Variants in ADAMTS3 observed in about 807,000 individuals in gnomAD.
ADAMTS3 encodes the protein A disintegrin and metalloproteinase with thrombospondin motifs 3.
Under a neutral mutation model 129.0 loss-of-function variants are expected in ADAMTS3, and 73 were observed. The ratio of observed to expected loss-of-function variants is 0.57; its 90% CI spans 0.47 to 0.69. ADAMTS3 has a LOEUF of 0.69. Among genes scored for constraint, ADAMTS3 ranks in the 30% least tolerant of loss-of-function variants. ADAMTS3 has a pLI of 0.00. For synonymous variants in ADAMTS3, 477 were observed against 510.8 expected (o/e 0.93, Z 0.89); for missense variants, 1,457 against 1,514.5 (o/e 0.96, Z 0.63).
intron 5 of ADAMTS3, among the ~76,000 whole-genome samples, chr4:72,327,999 T>C (rs1338587965): frequency 6.6e-6 from 1 of 152,172 alleles, no homozygotes; most frequent in Non-Finnish European, 1.5e-5. Flanking sequence ...GTGAAATGTA[T>C]AACCAGTGTT....
At chr4:72,316,016 T>C (rs745666412) in intron 10 of ADAMTS3, 45 bp from the exon 11 acceptor site, 4 of 1,206,684 alleles carry the variant, frequency 3.3e-6, no homozygotes, top group Non-Finnish European at 4.8e-6. Flanking sequence ...TCAGCTAGCA[T>C]GACATGCACC....
chr4:72,305,846 G>A (rs552080608), intron 16 of ADAMTS3, 141 bp downstream of exon 16: 26 of 718,856 alleles, frequency 3.6e-5, no homozygotes, highest in South Asian at 1.0e-4. Context: ...GCACATGTAC[G>A]TACATATACG....
At chr4:72,437,574 G>A (rs897494568) in intron 3 of ADAMTS3, among the ~76,000 whole-genome samples, 1 of 151,702 alleles carries the variant, frequency 6.6e-6, no homozygotes, top group African/African-American at 2.4e-5. Flanking sequence ...CTGAAAAACC[G>A]ATGCAGAAGA....
intron 2 of ADAMTS3, among the ~76,000 whole-genome samples, chr4:72,564,350 C>T (rs2109809228): frequency 6.6e-6 from 1 of 152,278 alleles, no homozygotes; most frequent in Middle Eastern, 3.4e-3. Flanking sequence ...AGCCTCCTTA[C>T]CCAATTGGAC....
intron 3 of ADAMTS3, among the ~76,000 whole-genome samples, chr4:72,449,620 C>A (rs1718341832): frequency 6.6e-6 from 1 of 151,804 alleles, no homozygotes; most frequent in African/African-American, 2.4e-5. Context: ...ATTCTTTACA[C>A]AGCAAGATGA....
intron 3 of ADAMTS3, among the ~76,000 whole-genome samples, chr4:72,504,173 CT>C (rs1329226763): frequency 6.6e-6 from 1 of 152,060 alleles, no homozygotes; most frequent in African/African-American, 2.4e-5. Flanking sequence ...TGTTTGGTTG[CT>C]TTATTGGGTC....
intron 4 of ADAMTS3, among the ~76,000 whole-genome samples, chr4:72,341,928 A>G (rs1448873465): frequency 6.6e-6 from 1 of 152,210 alleles, no homozygotes; most frequent in Non-Finnish European, 1.5e-5. Context: ...CAAATATTTC[A>G]AAGAAAGACA....
At chr4:72,532,553 G>A (rs755218418) in intron 3 of ADAMTS3, among the ~76,000 whole-genome samples, 2 of 151,532 alleles carry the variant, frequency 1.3e-5, no homozygotes, top group African/African-American at 2.4e-5. Flanking sequence ...CTTTACACTA[G>A]TTAATTATAA....
intron 20 of ADAMTS3, 49 bp downstream of exon 20, chr4:72,290,806 T>C: frequency 1.9e-6 from 3 of 1,570,742 alleles, no homozygotes; most frequent in Non-Finnish European, 2.6e-6. Context: ...TATCTACACA[T>C]GCTTACACAC....
chr4:72,514,990 C>A (rs1016876079), intron 3 of ADAMTS3, among the ~76,000 whole-genome samples: 1 of 152,052 alleles, frequency 6.6e-6, no homozygotes, highest in Non-Finnish European at 1.5e-5. Flanking sequence ...CCCCGCTACC[C>A]CCACCCCACA....
At chr4:72,375,438 A>C (rs1300642347) in intron 4 of ADAMTS3, among the ~76,000 whole-genome samples, 1 of 152,184 alleles carries the variant, frequency 6.6e-6, no homozygotes, top group African/African-American at 2.4e-5. Context: ...TTACAATTTA[A>C]TGGAAAAGAC....
At chr4:72,523,874 T>A (rs959335878) in intron 3 of ADAMTS3, among the ~76,000 whole-genome samples, 25 of 152,190 alleles carry the variant, frequency 1.6e-4, no homozygotes, top group Admixed American at 9.2e-4. Flanking sequence ...GTTCAATGTA[T>A]GTAAATTGAT....
chr4:72,396,392 C>A (rs562094896), intron 4 of ADAMTS3, among the ~76,000 whole-genome samples: 1 of 151,630 alleles, frequency 6.6e-6, no homozygotes, highest in East Asian at 1.9e-4. Flanking sequence ...TGGTATATGA[C>A]AAAGTATGAA....
intron 3 of ADAMTS3, among the ~76,000 whole-genome samples, chr4:72,531,370 C>A (rs375180609): frequency 1.3e-5 from 2 of 152,154 alleles, no homozygotes; most frequent in South Asian, 4.2e-4. Context: ...TTTAGACAGC[C>A]AAGTGGAGAT....
intron 4 of ADAMTS3, among the ~76,000 whole-genome samples, chr4:72,386,715 C>G (rs1357985746): frequency 2.0e-5 from 3 of 152,120 alleles, no homozygotes; most frequent in South Asian, 2.1e-4. Context: ...TTTTCCAACA[C>G]TCTACATCTA....
rs1379426139 is a variant in ADAMTS3 at position 72,282,214 on chromosome 4, A to AACAC, written c.*918_*921dup. 1.3e-5 allele frequency: 2 copies of AACAC among 152,226 alleles called. No homozygotes were observed. Among genetic ancestry groups the AACAC allele is most frequent in the Admixed American group, 6.5e-5 (1 of 15,288 alleles). 9.4% of individuals were successfully genotyped at this position (152,226 alleles called of 1,614,324 possible). A position where few individuals can be genotyped will look rare whatever the true frequency, so the allele number is the denominator to read the frequency against. ...GTCAACAATGCGAAAATTAAAAAAGAACACACACACACAAAAACAAAGGAC... is the reference window on the plus strand; with the variant it reads ...GTCAACAATGCGAAAATTAAAAAAGAACACACACACACACACAAAAACAAAGGAC... On this transcript the variant is annotated 3_prime_UTR_variant, in exon 22 of 22. Coordinates refer to ENST00000286657, the MANE Select transcript of ADAMTS3 (RefSeq NM_014243.3).
intron 21 of ADAMTS3, 141 bp from the exon 22 acceptor site, chr4:72,283,845 C>T (rs899241689): frequency 7.5e-5 from 47 of 630,094 alleles, no homozygotes; most frequent in Non-Finnish European, 1.0e-4. Flanking sequence ...CGAGCTTTTG[C>T]ATTAAAAATA....
At chr4:72,542,548 A>G (rs1198670613) in intron 3 of ADAMTS3, among the ~76,000 whole-genome samples, 1 of 152,176 alleles carries the variant, frequency 6.6e-6, no homozygotes, top group Non-Finnish European at 1.5e-5. Flanking sequence ...GTTCTGTTCT[A>G]CCTGTATACC....
At chr4:72,522,357 C>G (rs1470782867) in intron 3 of ADAMTS3, among the ~76,000 whole-genome samples, 1 of 152,156 alleles carries the variant, frequency 6.6e-6, no homozygotes, top group East Asian at 1.9e-4. Flanking sequence ...TCTCCCCAGT[C>G]AACTTACTTT....
Sources: gnomAD v4.1 joint callset for allele counts (sites outside exome capture counted in the v4.1 genomes callset) on GRCh38, gnomAD v4.1.1 for gene constraint, MANE v1.5 for transcripts, NCBI Gene and HGNC (gene_info 2026-07-23, HGNC 2026-07-21) for gene names.